Variants in FNDC7 observed in about 807,000 individuals in gnomAD.
FNDC7 encodes fibronectin type III domain containing 7.
FNDC7 carries 66 observed loss-of-function variants against 74.2 expected under a neutral mutation model. The ratio of observed to expected loss-of-function variants is 0.89; its 90% CI spans 0.73 to 1.09. The LOEUF (loss-of-function observed/expected upper bound fraction) is 1.09, where lower values mean the gene tolerates loss of function less well. Among genes scored for constraint, FNDC7 ranks in the 50% least tolerant of loss-of-function variants. FNDC7 has a pLI of 0.00. For synonymous variants in FNDC7, 307 were observed against 330.2 expected (o/e 0.93, Z 0.76); for missense variants, 829 against 893.4 (o/e 0.93, Z 0.92).
At chr1:108,736,505 T>C (rs1661518234) in intron 10 of FNDC7, among the ~76,000 whole-genome samples, 1 of 152,208 alleles carries the variant, frequency 6.6e-6, no homozygotes, top group South Asian at 2.1e-4. Context: ...GCCTGATATA[T>C]TTGAAATTTA....
At chr1:108,714,404 C>T (rs1032698931) in intron 2 of FNDC7, among the ~76,000 whole-genome samples, 1 of 152,088 alleles carries the variant, frequency 6.6e-6, no homozygotes, top group African/African-American at 2.4e-5. Flanking sequence ...GGCCAGGTAC[C>T]AAGGCTCACG....
chr1:108,727,617 A>G (rs1661247285), intron 6 of FNDC7, among the ~76,000 whole-genome samples, 191 bp from the exon 7 acceptor site: 1 of 152,170 alleles, frequency 6.6e-6, no homozygotes, highest in East Asian at 1.9e-4. Context: ...CTTCAATGTC[A>G]TGCTGAGGAT....
rs141658801 is a variant in FNDC7 at position 108,725,763 on chromosome 1, C to G, written c.870C>G (p.Pro290=). The G allele has an allele frequency of 1.4e-4, 222 of 1,613,990 alleles. No individual in the cohort carries two copies. In the East Asian group the frequency reaches 4.6e-3, roughly 34 times the overall value. Reference sequence around the variant, plus strand: ...ATCATTTCCTAGTTGCTTGTGCACCCGGAAGAGTGACGATCCAAGAAGATC... The same window carrying G: ...ATCATTTCCTAGTTGCTTGTGCACCGGGAAGAGTGACGATCCAAGAAGATC... The part of the protein sequence containing the change: ...AMTLKTVACA[P]GRVTIQEDPP... The change falls in exon 6 of 13, where the codon CCC becomes CCG. Residue 290 remains proline, a synonymous_variant. Transcript: ENST00000370017.
Position 108,733,537 on chromosome 1 carries a change from A to G in FNDC7, c.2140+5A>G, listed in dbSNP as rs1557792726. On this transcript the variant is annotated splice_donor_5th_base_variant and intron_variant, in intron 10 of 12. Transcript: ENST00000370017. Reference sequence around the variant, plus strand: ...GTCCAAAAAAAATATATTCAGGTAAAGCAAGTTATGACAGTTTATCTAAAA... The same window carrying G: ...GTCCAAAAAAAATATATTCAGGTAAGGCAAGTTATGACAGTTTATCTAAAA... The G allele has an allele frequency of 1.2e-6, 2 of 1,611,524 alleles. No individual in the cohort carries two copies. Among genetic ancestry groups the G allele is most frequent in the Middle Eastern group, 1.7e-4 (1 of 6,054 alleles).
chr1:108,724,331 A>G (rs559812212), intron 5 of FNDC7, among the ~76,000 whole-genome samples: 1 of 152,172 alleles, frequency 6.6e-6, no homozygotes, highest in African/African-American at 2.4e-5. Flanking sequence ...ACTGAGTTGT[A>G]CATACTATTT....
chr1:108,735,810 G>C (rs1318293921), intron 10 of FNDC7, among the ~76,000 whole-genome samples: 5 of 151,604 alleles, frequency 3.3e-5, no homozygotes, highest in Non-Finnish European at 7.4e-5. Context: ...GGGTTTTTTT[G>C]TTTGTTTTTT....
intron 2 of FNDC7, among the ~76,000 whole-genome samples, chr1:108,714,888 C>T (rs1018318829): frequency 5.3e-5 from 8 of 152,150 alleles, no homozygotes; most frequent in East Asian, 1.9e-4. Flanking sequence ...CCACCGCGCC[C>T]GGCCGGCTTC....
At chr1:108,738,825 T>C (rs1447882850) in intron 11 of FNDC7, among the ~76,000 whole-genome samples, 1 of 152,182 alleles carries the variant, frequency 6.6e-6, no homozygotes, top group African/African-American at 2.4e-5. Context: ...CTTATTAATT[T>C]TTCAAGAGTT....
At position 108,726,018 on chromosome 1, in the gene FNDC7, G is replaced by C; in HGVS notation, c.1111+14G>C. 6.2e-7 allele frequency: 1 copy of C among 1,613,354 alleles called. No homozygotes were observed. The highest frequency in any genetic ancestry group is 8.5e-7 in the Non-Finnish European group (1 of 1,179,562). On this transcript the variant is annotated intron_variant, in intron 6 of 12. Coordinates refer to ENST00000370017, the MANE Select transcript of FNDC7 (RefSeq NM_001144937.3). ...ATTATACCACAGGTAAGTCCCATTT[G>C]ATGTTTGTTAAGGGAGTTCTGAGAT...
intron 5 of FNDC7, among the ~76,000 whole-genome samples, chr1:108,723,685 A>T (rs527371708): frequency 6.6e-6 from 1 of 152,334 alleles, no homozygotes; most frequent in South Asian, 2.1e-4. Context: ...TTTCAAAAGC[A>T]TAGCAGTTCT....
chr1:108,715,883 G>T lies in FNDC7; in HGVS notation c.83-1894G>T, dbSNP rs1453138953. Among the ~76,000 whole-genome samples, 4 of 152,182 alleles carry T rather than the reference G, an allele frequency of 2.6e-5. No homozygotes were observed. In the East Asian group the frequency reaches 7.7e-4, roughly 29 times the overall value. On this transcript the variant is annotated intron_variant, in intron 2 of 12. Coordinates refer to ENST00000370017, the MANE Select transcript of FNDC7 (RefSeq NM_001144937.3). ...CACACAAAAGTAAATAGCAGGGCCA[G>T]GGCTCAAACCCAGAGCTCCTGAATC...
chr1:108,726,105 A>G, intron 6 of FNDC7, 101 bp downstream of exon 6: 1 of 1,401,898 alleles, frequency 7.1e-7, no homozygotes, highest in South Asian at 1.3e-5. Flanking sequence ...CCTGGGAGTC[A>G]TTCTAGAGCC....
Position 108,739,904 on chromosome 1 carries a change from C to T in FNDC7, c.2171-1869C>T, listed in dbSNP as rs971717998. Among the ~76,000 whole-genome samples the T allele has an allele frequency of 2.6e-5, 4 of 152,080 alleles. No individual in the cohort carries two copies. The East Asian group carries it at 7.7e-4, about 29-fold the overall frequency. ...TTGTAGAAATCCTGTAGGAGCCAGA[C>T]ACAGTGTCACACACCTGTAGTCCCA... is the stretch of plus-strand genomic sequence containing the variant. On this transcript the variant is annotated intron_variant, in intron 11 of 12. Coordinates refer to ENST00000370017, the MANE Select transcript of FNDC7 (RefSeq NM_001144937.3).
intron 2 of FNDC7, among the ~76,000 whole-genome samples, chr1:108,713,867 G>A (rs1157730845): frequency 6.6e-6 from 1 of 152,200 alleles, no homozygotes; most frequent in African/African-American, 2.4e-5. Context: ...ATTGTACAGA[G>A]TCTAATTTAT....
intron 2 of FNDC7, among the ~76,000 whole-genome samples, chr1:108,713,930 A>C (rs1660923961): frequency 6.6e-6 from 1 of 152,228 alleles, no homozygotes; most frequent in Non-Finnish European, 1.5e-5. Context: ...GAGAAATGTT[A>C]TATTTGATTA....
intron 11 of FNDC7, 94 bp downstream of exon 11, chr1:108,737,618 A>T: frequency 9.2e-6 from 9 of 980,322 alleles, no homozygotes; most frequent in Non-Finnish European, 1.1e-5. Flanking sequence ...TTAGAAAGCA[A>T]ATGCTTTCTT....
chr1:108,713,543 A>T lies in FNDC7; in HGVS notation c.82+14A>T, dbSNP rs761368551. 8.4e-6 allele frequency: 13 copies of T among 1,540,898 alleles called. No homozygotes were observed. The highest frequency in any genetic ancestry group is 1.0e-5 in the Non-Finnish European group (12 of 1,143,998). ...CAGCAAAATCAGGTACAATTTTCTG[A>T]CCTGCAAGTTTTTCCTTCTCGTATT... On this transcript the variant is annotated intron_variant, in intron 2 of 12. Coordinates refer to ENST00000370017, the MANE Select transcript of FNDC7 (RefSeq NM_001144937.3).
At chr1:108,716,642 T>G (rs1490055236) in intron 2 of FNDC7, among the ~76,000 whole-genome samples, 1 of 152,104 alleles carries the variant, frequency 6.6e-6, no homozygotes, top group African/African-American at 2.4e-5. Flanking sequence ...CAAAGCTAAC[T>G]CTCTGGGCTA....
At chr1:108,715,576 C>T in intron 2 of FNDC7, among the ~76,000 whole-genome samples, 1 of 152,134 alleles carries the variant, frequency 6.6e-6, no homozygotes, top group East Asian at 1.9e-4. Flanking sequence ...TTCACAGGAC[C>T]CCTCCATGGC....
Sources: gnomAD v4.1 joint callset for allele counts (sites outside exome capture counted in the v4.1 genomes callset) on GRCh38, gnomAD v4.1.1 for gene constraint, MANE v1.5 for transcripts, NCBI Gene and HGNC (gene_info 2026-07-23, HGNC 2026-07-21) for gene names.